Variants in COL21A1 observed in about 807,000 individuals in gnomAD.
COL21A1 encodes collagen alpha-1(XXI) chain.
COL21A1 carries 149 observed loss-of-function variants against 137.9 expected under a neutral mutation model. That is an observed-to-expected ratio of 1.08 (90% CI 0.95 to 1.24). The LOEUF is 1.24. Ranked by LOEUF, COL21A1 falls within the 50% of genes most tolerant of loss-of-function variation. The pLI, the probability that COL21A1 is intolerant of heterozygous loss-of-function variation, is 0.00. For synonymous variants in COL21A1, 456 were observed against 391.5 expected (o/e 1.16, Z -1.95); for missense variants, 1,167 against 1,158.4 (o/e 1.01, Z -0.11).
chr6:56,098,532 T>A (rs1479434034), intron 17 of COL21A1, among the ~76,000 whole-genome samples: 4 of 17,984 alleles, frequency 2.2e-4, no homozygotes, highest in African/African-American at 5.5e-4. Flanking sequence ...TATATAAATA[T>A]ATATATAAAT....
At chr6:56,139,338 C>G (rs772188233) in intron 12 of COL21A1, among the ~76,000 whole-genome samples, 1 of 152,110 alleles carries the variant, frequency 6.6e-6, no homozygotes, top group South Asian at 2.1e-4. Context: ...CTATGGCTTC[C>G]ACTTTCCAGA....
intron 5 of COL21A1, among the ~76,000 whole-genome samples, chr6:56,169,112 T>C (rs960839141): frequency 6.6e-6 from 1 of 152,022 alleles, no homozygotes; most frequent in Non-Finnish European, 1.5e-5. Flanking sequence ...TTCTACCCAA[T>C]ATATTTCTTC....
At chr6:56,096,384 T>A (rs929108766) in intron 17 of COL21A1, among the ~76,000 whole-genome samples, 2 of 152,186 alleles carry the variant, frequency 1.3e-5, no homozygotes, top group Non-Finnish European at 2.9e-5. Context: ...CAGTAAATAC[T>A]GCTGAATAAT....
chr6:56,147,500 ACTGAGTTC>A (rs1216294753), intron 10 of COL21A1, among the ~76,000 whole-genome samples: 2 of 152,036 alleles, frequency 1.3e-5, no homozygotes, highest in African/African-American at 4.8e-5. Flanking sequence ...ATCAATAATT[ACTGAGTTC>A]AACCAGTTAT....
chr6:56,242,915 C>T (rs1054269368), intron 1 of COL21A1, among the ~76,000 whole-genome samples: 5 of 151,992 alleles, frequency 3.3e-5, no homozygotes, highest in East Asian at 1.9e-4. Flanking sequence ...TTGGATTGTG[C>T]GTCTCTTTGT....
chr6:56,069,946 A>G (rs1399204733), intron 21 of COL21A1, among the ~76,000 whole-genome samples: 1 of 151,490 alleles, frequency 6.6e-6, no homozygotes, highest in Non-Finnish European at 1.5e-5. Context: ...ATTTTTCAGT[A>G]CAGGGTGTAT....
chr6:56,074,684 T>C (rs1293566433), intron 19 of COL21A1, among the ~76,000 whole-genome samples: 1 of 151,390 alleles, frequency 6.6e-6, no homozygotes, highest in Non-Finnish European at 1.5e-5. Context: ...TCTTGAACAA[T>C]ATTTTAAAAG....
chr6:56,057,775 C>A lies in COL21A1; in HGVS notation c.2756G>T (p.Gly919Val), dbSNP rs750677253. The A allele has an allele frequency of 6.2e-7, 1 of 1,607,984 alleles. No homozygotes were observed. Among genetic ancestry groups the A allele is most frequent in the African/African-American group, 1.3e-5 (1 of 74,688 alleles). ...TTGGATTCCAGGTTTTCCATGGTCT[C>A]CATCTTTGCCAGGGAGACCTGGGTC... Reference protein sequence around the residue: ...PGDPGLPGKDGDHGKPGIQGQ... With the variant: ...PGDPGLPGKDVDHGKPGIQGQ... Residue 919 changes from glycine (G) to valine (V), a missense_variant, in exon 30 of 30, where the codon GGA becomes GTA. By Grantham distance (109) the Gly-to-Val change is moderately radical. Coordinates refer to ENST00000244728, the MANE Select transcript of COL21A1 (RefSeq NM_030820.4).
At chr6:56,280,729 C>A (rs1763769416) in intron 1 of COL21A1, among the ~76,000 whole-genome samples, 1 of 152,186 alleles carries the variant, frequency 6.6e-6, no homozygotes, top group South Asian at 2.1e-4. Context: ...ACAATTCACC[C>A]TGGCTGGGCA....
At chr6:56,282,128 G>A (rs912493001) in intron 1 of COL21A1, among the ~76,000 whole-genome samples, 1 of 152,038 alleles carries the variant, frequency 6.6e-6, no homozygotes, top group Admixed American at 6.6e-5. Context: ...TATTGGTTGG[G>A]GTCATACACA....
chr6:56,226,138 G>A (rs1478593792), intron 1 of COL21A1, among the ~76,000 whole-genome samples: 1 of 151,986 alleles, frequency 6.6e-6, no homozygotes. Context: ...TTTTAGGAAT[G>A]TTACCAATTG....
intron 1 of COL21A1, among the ~76,000 whole-genome samples, chr6:56,333,013 A>C (rs1765265065): frequency 2.0e-5 from 3 of 152,034 alleles, no homozygotes; most frequent in Admixed American, 6.6e-5. Context: ...ATTTCATTAA[A>C]TCTATTAACC....
chr6:56,383,530 G>A (rs1330177359), intron 1 of COL21A1, among the ~76,000 whole-genome samples: 1 of 152,108 alleles, frequency 6.6e-6, no homozygotes, highest in African/African-American at 2.4e-5. Flanking sequence ...CCTAACCCAG[G>A]TAGGTACCTG....
intron 1 of COL21A1, among the ~76,000 whole-genome samples, chr6:56,287,140 A>G (rs962811831): frequency 7.2e-5 from 11 of 152,244 alleles, no homozygotes; most frequent in African/African-American, 2.7e-4. Context: ...TATGAAAGAC[A>G]TGATGTTGAA....
At chr6:56,112,279 T>C (rs1392297926) in intron 16 of COL21A1, among the ~76,000 whole-genome samples, 1 of 152,090 alleles carries the variant, frequency 6.6e-6, no homozygotes, top group African/African-American at 2.4e-5. Context: ...TACATATAAA[T>C]TAATTCAAAA....
intron 1 of COL21A1, among the ~76,000 whole-genome samples, chr6:56,210,080 G>T (rs1363276281): frequency 6.6e-6 from 1 of 151,766 alleles, no homozygotes; most frequent in Non-Finnish European, 1.5e-5. Flanking sequence ...ACTCAGGTGG[G>T]AGGCATCACA....
intron 28 of COL21A1, 50 bp downstream of exon 28, chr6:56,059,968 T>C: frequency 6.9e-7 from 1 of 1,451,638 alleles, no homozygotes. Flanking sequence ...TATGAATTTT[T>C]AAAAAAAGAC....
chr6:56,065,505 G>A (rs1766162274), intron 23 of COL21A1, among the ~76,000 whole-genome samples: 1 of 151,988 alleles, frequency 6.6e-6, no homozygotes, highest in Non-Finnish European at 1.5e-5. Flanking sequence ...AGTCTACAAT[G>A]TATAATTAAA....
At chr6:56,206,328 A>C (rs549576730) in intron 1 of COL21A1, among the ~76,000 whole-genome samples, 2 of 151,374 alleles carry the variant, frequency 1.3e-5, no homozygotes, top group African/African-American at 4.8e-5. Flanking sequence ...AAAAAAAAGC[A>C]GAGGTTGTAA....
Sources: gnomAD v4.1 joint callset for allele counts (sites outside exome capture counted in the v4.1 genomes callset) on GRCh38, gnomAD v4.1.1 for gene constraint, MANE v1.5 for transcripts, NCBI Gene and HGNC (gene_info 2026-07-23, HGNC 2026-07-21) for gene names.